The following TUB variants were observed in gnomAD, a reference collection of about 807,000 sequenced individuals.
TUB encodes the protein tubby protein homolog.
Under a neutral mutation model 59.7 loss-of-function variants are expected in TUB, and 33 were observed. The ratio of observed to expected loss-of-function variants is 0.55; its 90% CI spans 0.42 to 0.74. The LOEUF is 0.74. TUB is among the 30% of genes least tolerant of loss of function. TUB has a pLI of 0.00. For synonymous variants in TUB, 293 were observed against 256.4 expected (o/e 1.14, Z -1.36); for missense variants, 659 against 672.0 (o/e 0.98, Z 0.21).
chr11:8,050,844 A>G (rs558096270), intron 2 of TUB, among the ~76,000 whole-genome samples: 17 of 152,302 alleles, frequency 1.1e-4, no homozygotes, highest in African/African-American at 4.1e-4. Flanking sequence ...TAATCTTTTA[A>G]CTTTTACTGG....
At chr11:8,040,674 C>T (rs1942735860) in intron 2 of TUB, among the ~76,000 whole-genome samples, 1 of 152,124 alleles carries the variant, frequency 6.6e-6, no homozygotes, top group African/African-American at 2.4e-5. Flanking sequence ...GAGGGTGTAT[C>T]ACTTGAGCCT....
intron 2 of TUB, among the ~76,000 whole-genome samples, chr11:8,051,402 T>C (rs909365232): frequency 3.9e-5 from 6 of 152,246 alleles, no homozygotes; most frequent in African/African-American, 1.4e-4. Context: ...ATCATTCCTT[T>C]ATTTTGGTTA....
At chr11:8,036,898 C>CT (rs1942654479), upstream of TUB, among the ~76,000 whole-genome samples, 11 of 152,156 alleles carry the variant, frequency 7.2e-5, no homozygotes. Flanking sequence ...ATAAGTTCAC[C>CT]TTTTTTCCTG....
chr11:8,090,327 A>G, intron 3 of TUB, 96 bp downstream of exon 3: 1 of 1,486,718 alleles, frequency 6.7e-7, no homozygotes, highest in Non-Finnish European at 9.1e-7. Flanking sequence ...CTGACGGGGG[A>G]TGCCCAGGCT....
rs542223385 is a variant in TUB, at chr11:8,055,292, G to A, written c.203+15600G>A. On this transcript the variant is annotated intron_variant, in intron 2 of 12. Transcript: ENST00000305253. Reference sequence around the variant, plus strand: ...GAGTGAGCTTTCTGAAGTGGGTGGCGCATACCTCACCATTGCTCTCTAAGG... The same window carrying A: ...GAGTGAGCTTTCTGAAGTGGGTGGCACATACCTCACCATTGCTCTCTAAGG... 2.3e-4 allele frequency among the ~76,000 whole-genome samples: 35 copies of A among 152,244 alleles called. No homozygotes were observed. In the South Asian group the frequency reaches 4.1e-3, roughly 18 times the overall value.
At chr11:8,039,665 A>G in exon 2 of TUB, 2 of 1,536,028 alleles carry the variant, frequency 1.3e-6, no homozygotes, top group Non-Finnish European at 8.8e-7. Flanking sequence ...AGGAGGAAGT[A>G]CTGGAAGGAA....
intron 2 of TUB, among the ~76,000 whole-genome samples, chr11:8,072,908 T>A (rs982825992): frequency 2.0e-5 from 3 of 152,242 alleles, no homozygotes; most frequent in Non-Finnish European, 4.4e-5. Context: ...GAGTAAACTA[T>A]AATCATCTTC....
chr11:8,071,099 G>A (rs1943352053), intron 2 of TUB, among the ~76,000 whole-genome samples: 1 of 152,168 alleles, frequency 6.6e-6, no homozygotes. Flanking sequence ...CATTTGAATT[G>A]TTCCTAAGCA....
intron 2 of TUB, among the ~76,000 whole-genome samples, chr11:8,049,189 A>G (rs918249238): frequency 4.6e-5 from 7 of 152,134 alleles, no homozygotes; most frequent in Non-Finnish European, 1.5e-5. Context: ...ACCCTATGGC[A>G]TAGTCTTCAT....
At chr11:8,024,516 G>A (rs1942474407) in intron 1 of TUB, among the ~76,000 whole-genome samples, 3 of 151,978 alleles carry the variant, frequency 2.0e-5, no homozygotes, top group Admixed American at 1.3e-4. Context: ...CCTGCTCCTT[G>A]GAGAAAAATT....
Position 8,097,100 on chromosome 11 carries a change from C to T in TUB, c.688-128C>T, listed in dbSNP as rs969303451. Reference sequence around the variant, plus strand: ...CTTCTGACCCCAGGCCCAGGCTGGCCAGGCCCCAATCCCAGGATCCTTCCC... The same window carrying T: ...CTTCTGACCCCAGGCCCAGGCTGGCTAGGCCCCAATCCCAGGATCCTTCCC... On this transcript the variant is annotated intron_variant, in intron 6 of 11. Transcript: ENST00000299506. 5.6e-6 allele frequency: 6 copies of T among 1,072,116 alleles called. No individual in the cohort carries two copies. The African/African-American group carries it at 6.3e-5, about 11-fold the overall frequency. The allele number at this position is 1,072,116 out of a possible 1,614,324, so 66.4% of individuals were successfully genotyped here. A position where few individuals can be genotyped will look rare whatever the true frequency, so the allele number is the denominator to read the frequency against.
chr11:8,036,323 G>A (rs1338722033), upstream of TUB, among the ~76,000 whole-genome samples: 3 of 152,220 alleles, frequency 2.0e-5, no homozygotes, highest in Non-Finnish European at 4.4e-5. Context: ...TAGCCTGGCA[G>A]TAGTAAGTCA....
At chr11:8,022,745 C>A (rs1406426836) in intron 1 of TUB, among the ~76,000 whole-genome samples, 1 of 152,080 alleles carries the variant, frequency 6.6e-6, no homozygotes, top group Non-Finnish European at 1.5e-5. Context: ...CAAAAATTAG[C>A]CAGGTGTGGT....
intron 2 of TUB, among the ~76,000 whole-genome samples, chr11:8,074,144 GTC>G (rs1564911314): frequency 6.6e-6 from 1 of 151,326 alleles, no homozygotes; most frequent in Non-Finnish European, 1.5e-5. Flanking sequence ...TGTGTTTATC[GTC>G]TGTCTTCTCT....
intron 1 of TUB, among the ~76,000 whole-genome samples, chr11:8,031,525 C>G (rs1198413281): frequency 1.3e-5 from 2 of 152,240 alleles, no homozygotes; most frequent in East Asian, 3.8e-4. Context: ...GAGGACCCTT[C>G]CCTCCCTGCC....
rs996005083 is a variant in TUB, at chr11:8,104,875, G to A, written c.*3256G>A. The A allele has an allele frequency of 4.6e-5, 7 of 151,936 alleles. No individual in the cohort carries two copies. The highest frequency in any genetic ancestry group is 1.7e-4 in the African/African-American group (7 of 41,362). The allele number at this position is 151,936 out of a possible 1,614,324, so 9.4% of individuals were successfully genotyped here. ...AATCAGAAGCTATAAGAGAACTTTC[G>A]GAGCCTGCCTCCTTCAGTGACAAGT... On this transcript the variant is annotated 3_prime_UTR_variant, in exon 12 of 12. Transcript: ENST00000299506.
At chr11:8,038,604 G>A (rs1439844073), upstream of TUB, 12 of 1,168,482 alleles carry the variant, frequency 1.0e-5, no homozygotes, top group Non-Finnish European at 1.3e-5. Flanking sequence ...CAGCAATTGG[G>A]TGTCCCTGTG....
upstream of TUB, among the ~76,000 whole-genome samples, chr11:8,034,606 A>C (rs1430445495): frequency 2.6e-5 from 4 of 152,232 alleles, no homozygotes; most frequent in African/African-American, 9.7e-5. Context: ...CAGTAATCCC[A>C]GCCTGAGCTG....
rs1334367424 is a variant in TUB, at chr11:8,104,765, C to CTTAAAAATCAAGACACTAGTTCAGA, written c.*3147_*3171dup. ...ATTGAACATACTCTAGTGAATGTGC[C>CTTAAAAATCAAGACACTAGTTCAGA]TTAAAAATCAAGACACTAGTTCAGA... On this transcript the variant is annotated 3_prime_UTR_variant, in exon 12 of 12. Coordinates refer to ENST00000299506, the MANE Select transcript of TUB (RefSeq NM_177972.3). 2 of 152,042 alleles carry CTTAAAAATCAAGACACTAGTTCAGA rather than the reference C, an allele frequency of 1.3e-5. No individual in the cohort carries two copies. The highest frequency in any genetic ancestry group is 4.8e-5 in the African/African-American group (2 of 41,422). The allele number at this position is 152,042 out of a possible 1,614,324, so 9.4% of individuals were successfully genotyped here.
Sources: allele counts gnomAD v4.1 joint callset (sites outside exome capture counted in the v4.1 genomes callset), GRCh38; gene constraint gnomAD v4.1.1; transcripts MANE v1.5; gene names NCBI Gene and HGNC (gene_info 2026-07-23, HGNC 2026-07-21).